RUNDC3B: variants seen among roughly 807,000 people sequenced by gnomAD.
RUNDC3B encodes the protein RUN domain containing 3B, also known as RUN domain-containing protein 3B.
RUNDC3B carries 33 observed loss-of-function variants against 58.4 expected under a neutral mutation model. That is an observed-to-expected ratio of 0.56 (90% confidence interval 0.43 to 0.75). The LOEUF is 0.75. RUNDC3B is among the 30% of genes least tolerant of loss of function. The probability of loss-of-function intolerance (pLI) is 0.00; values close to 1 mark genes in which losing one functional copy is unlikely to be tolerated. For synonymous variants in RUNDC3B, 193 were observed against 195.2 expected, an observed-to-expected ratio of 0.99 and a Z score of 0.10; for missense variants, 501 against 535.7, an observed-to-expected ratio of 0.94 and a Z score of 0.64.
chr7:87,734,459 A>C (rs1457205027), intron 4 of RUNDC3B, among the ~76,000 whole-genome samples: 1 of 152,134 alleles, frequency 6.6e-6, no homozygotes, highest in Non-Finnish European at 1.5e-5. Flanking sequence ...TTAGTTACCA[A>C]CTTTCTGTCT....
chr7:87,718,138 G>A (rs1304517433), intron 4 of RUNDC3B, among the ~76,000 whole-genome samples: 1 of 152,108 alleles, frequency 6.6e-6, no homozygotes, highest in African/African-American at 2.4e-5. Context: ...AGGATGCAAA[G>A]CATATAAGTA....
chr7:87,661,588 A>G (rs1036737715), intron 2 of RUNDC3B, among the ~76,000 whole-genome samples: 4 of 151,858 alleles, frequency 2.6e-5, no homozygotes, highest in African/African-American at 9.7e-5. Context: ...TGTTTTTGCA[A>G]ATGATAGGAT....
chr7:87,724,056 TA>T (rs935841355), intron 4 of RUNDC3B, among the ~76,000 whole-genome samples: 4 of 151,534 alleles, frequency 2.6e-5, no homozygotes, highest in Non-Finnish European at 4.4e-5. Context: ...ATCCCATCTG[TA>T]AAAAAAAATT....
At chr7:87,826,731 T>C (rs1344479158) in intron 10 of RUNDC3B, among the ~76,000 whole-genome samples, 13 of 152,056 alleles carry the variant, frequency 8.5e-5, no homozygotes, top group South Asian at 2.1e-4. Flanking sequence ...AGACATAATA[T>C]ACAAATTGAA....
At chr7:87,669,040 C>A (rs1477590636) in intron 2 of RUNDC3B, among the ~76,000 whole-genome samples, 1 of 126,640 alleles carries the variant, frequency 7.9e-6, no homozygotes, top group African/African-American at 3.0e-5. Flanking sequence ...TGTTAATTGT[C>A]TGCCTCAATG....
At chr7:87,662,885 G>T (rs1824858274) in intron 2 of RUNDC3B, among the ~76,000 whole-genome samples, 1 of 152,042 alleles carries the variant, frequency 6.6e-6, no homozygotes, top group Admixed American at 6.6e-5. Flanking sequence ...CACTAACATG[G>T]AATATCTTTC....
chr7:87,676,982 G>A (rs1041131091), intron 2 of RUNDC3B, among the ~76,000 whole-genome samples: 3 of 152,086 alleles, frequency 2.0e-5, no homozygotes, highest in Non-Finnish European at 4.4e-5. Flanking sequence ...GATAACAAGT[G>A]TTGGCAAGGA....
At chr7:87,795,863 C>T (rs1229225448) in intron 8 of RUNDC3B, among the ~76,000 whole-genome samples, 4 of 152,160 alleles carry the variant, frequency 2.6e-5, no homozygotes, top group Non-Finnish European at 5.9e-5. Flanking sequence ...GCACTCCAGC[C>T]TGAGCGTCAA....
At chr7:87,634,289 C>G (rs1821521183) in intron 1 of RUNDC3B, among the ~76,000 whole-genome samples, 1 of 152,076 alleles carries the variant, frequency 6.6e-6, no homozygotes, top group Non-Finnish European at 1.5e-5. Flanking sequence ...TGGGGGCAGA[C>G]CAACCATATA....
At chr7:87,636,053 A>G (rs1220956528) in intron 1 of RUNDC3B, among the ~76,000 whole-genome samples, 6 of 152,034 alleles carry the variant, frequency 3.9e-5, no homozygotes, top group African/African-American at 1.4e-4. Flanking sequence ...ATTCATTCAT[A>G]TTTATTTTTG....
intron 1 of RUNDC3B, among the ~76,000 whole-genome samples, chr7:87,630,148 T>C (rs890033881): frequency 1.3e-5 from 2 of 152,206 alleles, no homozygotes; most frequent in African/African-American, 4.8e-5. Flanking sequence ...AAGAATCAGA[T>C]GATGATGAAA....
chr7:87,721,799 G>GTCTCTC (rs905325506), intron 4 of RUNDC3B, among the ~76,000 whole-genome samples: 1 of 148,894 alleles, frequency 6.7e-6, no homozygotes, highest in Non-Finnish European at 1.5e-5. Context: ...CTCTGTCTCT[G>GTCTCTC]TCTCTCTCTC....
intron 2 of RUNDC3B, among the ~76,000 whole-genome samples, chr7:87,676,703 CAAAAAAA>C (rs57480483): frequency 5.7e-4 from 26 of 45,432 alleles, no homozygotes; most frequent in South Asian, 8.2e-4. Context: ...GACCCTGTCT[CAAAAAAA>C]AAAAAAAAAA....
chr7:87,795,758 G>A (rs1318533895), intron 8 of RUNDC3B, among the ~76,000 whole-genome samples: 3 of 151,860 alleles, frequency 2.0e-5, no homozygotes, highest in Non-Finnish European at 4.4e-5. Context: ...GCATGGTGGC[G>A]GACGCCTGTA....
At chr7:87,634,123 A>G (rs956762495) in intron 1 of RUNDC3B, among the ~76,000 whole-genome samples, 2 of 152,068 alleles carry the variant, frequency 1.3e-5, no homozygotes, top group African/African-American at 2.4e-5. Flanking sequence ...CTTGAGACCA[A>G]TCCAGCCTTG....
At chr7:87,694,068 GT>G in intron 2 of RUNDC3B, 1 of 1,521,090 alleles carries the variant, frequency 6.6e-7, no homozygotes, top group Non-Finnish European at 8.7e-7. Flanking sequence ...CATTGCATGG[GT>G]TTTGTAAAGC....
chr7:87,766,008 A>G (rs1833957555), intron 6 of RUNDC3B, among the ~76,000 whole-genome samples: 1 of 152,044 alleles, frequency 6.6e-6, no homozygotes, highest in Non-Finnish European at 1.5e-5. Flanking sequence ...GAACAGTTAA[A>G]TCTTCTTGTT....
At chr7:87,735,998 C>G (rs1438532013) in intron 4 of RUNDC3B, among the ~76,000 whole-genome samples, 1 of 152,130 alleles carries the variant, frequency 6.6e-6, no homozygotes, top group African/African-American at 2.4e-5. Context: ...TACTGAATCT[C>G]ACATTCTTGG....
chr7:87,771,584 T>A (rs1463961699), intron 7 of RUNDC3B, among the ~76,000 whole-genome samples: 1 of 152,196 alleles, frequency 6.6e-6, no homozygotes, highest in Non-Finnish European at 1.5e-5. Flanking sequence ...CATTCAGAGC[T>A]ACTCTCTCAA....
Sources: gnomAD v4.1 joint callset for allele counts (sites outside exome capture counted in the v4.1 genomes callset) on GRCh38, gnomAD v4.1.1 for gene constraint, MANE v1.5 for transcripts, NCBI Gene and HGNC (gene_info 2026-07-23, HGNC 2026-07-21) for gene names.